Variants in ATAD3A observed in about 807,000 individuals in gnomAD.
ATAD3A encodes ATPase family AAA domain containing 3A.
ATAD3A carries 46 observed loss-of-function variants against 73.8 expected under a neutral mutation model. That is an observed-to-expected ratio of 0.62 (90% confidence interval 0.49 to 0.80). The LOEUF is 0.80. ATAD3A is among the 30% of genes least tolerant of loss of function. ATAD3A has a pLI of 0.00. For missense variants in ATAD3A, 705 were observed against 838.0 expected (o/e 0.84, Z 1.96); for synonymous variants, 319 against 350.0 (o/e 0.91, Z 0.99).
Position 1,515,945 on chromosome 1 carries a change from G to T in ATAD3A, c.206-67G>T, listed in dbSNP as rs576816859. The T allele has an allele frequency of 9.6e-4, 1,520 of 1,585,592 alleles. 2 individuals carry two copies. The highest frequency in any genetic ancestry group is 5.3e-3 in the Middle Eastern group (32 of 5,988). On this transcript the variant is annotated intron_variant, in intron 1 of 15. Transcript: ENST00000378756. ...TGGATTCCAGAAAGCCCCTTGGCTG[G>T]TGTGCGTGCCTGCCCAGCGGCATCC...
Position 1,517,430 on chromosome 1 carries a change from C to T in ATAD3A, c.384+18C>T, listed in dbSNP as rs1467247631. On this transcript the variant is annotated intron_variant, in intron 3 of 15. Transcript: ENST00000378756. Reference sequence around the variant, plus strand: ...ACCAGGCCGTAAGAGCGCAAGAGGCCGCGAGGGAGGCCGCCCGGCTGCGGG... The same window carrying T: ...ACCAGGCCGTAAGAGCGCAAGAGGCTGCGAGGGAGGCCGCCCGGCTGCGGG... 55 of 1,496,436 alleles carry T rather than the reference C, an allele frequency of 3.7e-5. No homozygotes were observed. Among genetic ancestry groups the T allele is most frequent in the Admixed American group, 8.5e-5 (4 of 47,140 alleles). 92.7% of individuals were successfully genotyped at this position (1,496,436 alleles called of 1,614,324 possible).
Position 1,534,036 on chromosome 1 carries a change from A to T in ATAD3A, c.1725A>T (p.Glu575Asp). ...HQQKMCWLKA[E>D]GPGRGDEPSP... is the part of the protein sequence containing the mutation. ...AGAAGATGTGCTGGCTGAAGGCGGA[A>T]GGGCCTGGGCGTGGGGACGAGCCCT... The change falls in exon 16 of 16, where the codon GAA becomes GAT. Residue 575 changes from glutamate to aspartate, a missense_variant. Physicochemically the swap from Glu to Asp is conservative, Grantham distance 45. Transcript: ENST00000378756. 1.2e-6 allele frequency: 2 copies of T among 1,613,268 alleles called. No individual in the cohort carries two copies. Among genetic ancestry groups the T allele is most frequent in the Non-Finnish European group, 8.5e-7 (1 of 1,179,606 alleles).
intron 1 of ATAD3A, among the ~76,000 whole-genome samples, chr1:1,513,769 G>A (rs2100640976): frequency 6.6e-6 from 1 of 151,916 alleles, no homozygotes; most frequent in East Asian, 1.9e-4. Flanking sequence ...CCCTCCCGAC[G>A]CTCCTGGCTT....
At chr1:1,526,063 C>T (rs1344208079) in intron 12 of ATAD3A, among the ~76,000 whole-genome samples, 1 of 151,324 alleles carries the variant, frequency 6.6e-6, no homozygotes, top group Admixed American at 6.6e-5. Context: ...TACTCTGTTG[C>T]CCACGCTGGA....
Position 1,520,414 on chromosome 1 carries a change from C to T in ATAD3A, c.680+108C>T. 10 of 1,592,970 alleles carry T rather than the reference C, an allele frequency of 6.3e-6. No homozygotes were observed. The highest frequency in any genetic ancestry group is 7.7e-6 in the Non-Finnish European group (9 of 1,166,338). On this transcript the variant is annotated intron_variant, in intron 6 of 15. Coordinates refer to ENST00000378756, the MANE Select transcript of ATAD3A (RefSeq NM_001170535.3). This position sits in a 1 kb window ranked among gnomAD's most constrained non-coding sequence, Gnocchi z 4.0. Reference sequence around the variant, plus strand: ...TCCAGGCCTTGCCGCCGTAGGCTGACTCCTTGGTGGGGGCACTGCCCCTCT... The same window carrying T: ...TCCAGGCCTTGCCGCCGTAGGCTGATTCCTTGGTGGGGGCACTGCCCCTCT...
chr1:1,529,962 G>A (rs555859278), intron 15 of ATAD3A, among the ~76,000 whole-genome samples: 4 of 152,234 alleles, frequency 2.6e-5, no homozygotes, highest in East Asian at 1.9e-4. Flanking sequence ...CCCTGGCCAC[G>A]CACAGGCATC....
chr1:1,515,691 TA>T (rs1641332057), intron 1 of ATAD3A, among the ~76,000 whole-genome samples: 1 of 152,050 alleles, frequency 6.6e-6, no homozygotes, highest in South Asian at 2.1e-4. Flanking sequence ...CGTGAAAAAA[TA>T]GAGGACACTT....
At chr1:1,517,094 G>A in intron 2 of ATAD3A, 1 of 1,529,708 alleles carries the variant, frequency 6.5e-7, no homozygotes, top group Non-Finnish European at 8.8e-7. Flanking sequence ...CTCCCGGGGG[G>A]CCTTCGCGGG....
chr1:1,533,826 G>A lies in ATAD3A; in HGVS notation c.1615-100G>A, dbSNP rs570579729. ...TGTGTTTCACGCTCAGGCCATCCTG[G>A]AGCCCCTGGTTTGGTCCCTCCCCAC... On this transcript the variant is annotated intron_variant, in intron 15 of 15. Transcript: ENST00000378756. The A allele has an allele frequency of 2.9e-3, 4,124 of 1,445,574 alleles. 20 individuals carry two copies. The highest frequency in any genetic ancestry group is 2.4e-3 in the Non-Finnish European group (2,650 of 1,082,332). The allele number at this position is 1,445,574 out of a possible 1,614,324, so 89.5% of individuals were successfully genotyped here. A position where few individuals can be genotyped will look rare whatever the true frequency, so the allele number is the denominator to read the frequency against.
intron 12 of ATAD3A, 91 bp downstream of exon 12, chr1:1,525,382 T>C: frequency 6.6e-7 from 1 of 1,515,618 alleles, no homozygotes. Context: ...GTTCAGTTTC[T>C]TTTTCTCTGT....
chr1:1,524,392 G>A lies in ATAD3A; in HGVS notation c.1209G>A (p.Arg403=), dbSNP rs1641726561. Reference sequence around the variant, plus strand: ...TCTTTGACTGGGCCAATACCAGCCGGCGCGGGTGAGACGTCCCCACAGCAT... The same window carrying A: ...TCTTTGACTGGGCCAATACCAGCCGACGCGGGTGAGACGTCCCCACAGCAT... The part of the protein sequence containing the change: ...HKLFDWANTS[R]RGLLLFVDEA... The change falls in exon 11 of 16, where the codon CGG becomes CGA. Residue 403 remains arginine, a synonymous_variant. Transcript: ENST00000378756. The A allele has an allele frequency of 1.9e-6, 3 of 1,604,764 alleles. No homozygotes were observed. The highest frequency in any genetic ancestry group is 1.7e-6 in the Non-Finnish European group (2 of 1,177,360).
intron 15 of ATAD3A, among the ~76,000 whole-genome samples, chr1:1,531,631 AG>A (rs1322933526): frequency 8.7e-5 from 13 of 150,152 alleles, no homozygotes; most frequent in African/African-American, 2.9e-4. Flanking sequence ...AAAAAAAATT[AG>A]CCAGATGTGG....
rs1363335208 is a variant in ATAD3A at position 1,527,807 on chromosome 1, C to T, written c.1450C>T (p.Leu484=). ...DLPGQEERER[L]VRMYFDKYVL... ...GCCAGGGCAGGAGGAACGGGAGCGC[C>T]TGGTGAGAATGTATTTTGACAAGTA... Residue 484 remains leucine, a synonymous_variant, in exon 14 of 16, where the codon CTG becomes TTG. Coordinates refer to ENST00000378756, the MANE Select transcript of ATAD3A (RefSeq NM_001170535.3). The T allele has an allele frequency of 1.2e-6, 2 of 1,613,900 alleles. No homozygotes were observed. Among genetic ancestry groups the T allele is most frequent in the Non-Finnish European group, 1.7e-6 (2 of 1,179,988 alleles).
intron 1 of ATAD3A, among the ~76,000 whole-genome samples, chr1:1,513,676 G>A (rs1376625058): frequency 1.3e-5 from 2 of 152,106 alleles, no homozygotes; most frequent in Non-Finnish European, 2.9e-5. Flanking sequence ...AGGTGAGAGA[G>A]GTTTCTCCAG....
rs965887671 is a variant in ATAD3A, at chr1:1,512,490, G to A, written c.205+17G>A. 4,497 of 1,180,874 alleles carry A rather than the reference G, an allele frequency of 3.8e-3. 29 individuals carry two copies. Among genetic ancestry groups the A allele is most frequent in the Non-Finnish European group, 4.2e-3 (4,070 of 965,824 alleles). The allele number at this position is 1,180,874 out of a possible 1,614,324, so 73.1% of individuals were successfully genotyped here. Reference sequence around the variant, plus strand: ...AGCACTCGCGTGAGTGCGGCGGGGCGGGGCGGCGCGGGCGGGCGGGCGGGA... The same window carrying A: ...AGCACTCGCGTGAGTGCGGCGGGGCAGGGCGGCGCGGGCGGGCGGGCGGGA... On this transcript the variant is annotated intron_variant, in intron 1 of 15. Coordinates refer to ENST00000378756, the MANE Select transcript of ATAD3A (RefSeq NM_001170535.3).
At chr1:1,514,091 G>A (rs1355671728) in intron 1 of ATAD3A, among the ~76,000 whole-genome samples, 8 of 152,080 alleles carry the variant, frequency 5.3e-5, no homozygotes, top group African/African-American at 1.5e-4. Flanking sequence ...TGGGACGCAC[G>A]TCCCTGGCAC....
chr1:1,531,382 C>T (rs563077814), intron 15 of ATAD3A, among the ~76,000 whole-genome samples: 9 of 151,868 alleles, frequency 5.9e-5, no homozygotes, highest in Middle Eastern at 3.4e-3. Context: ...ACCCGGGAGG[C>T]GGAGGTTGCA....
intron 7 of ATAD3A, among the ~76,000 whole-genome samples, chr1:1,521,675 C>T (rs545635422): frequency 8.5e-5 from 13 of 152,336 alleles, no homozygotes; most frequent in African/African-American, 1.7e-4. Flanking sequence ...GAGGACATGA[C>T]GGAGCTGCTT....
At chr1:1,525,540 A>G (rs1186792080) in intron 12 of ATAD3A, among the ~76,000 whole-genome samples, 2 of 148,844 alleles carry the variant, frequency 1.3e-5, no homozygotes, top group East Asian at 2.0e-4. Context: ...TCAGCCTCCC[A>G]AGTAGCTGGG....
Sources: gnomAD v4.1 joint callset for allele counts (sites outside exome capture counted in the v4.1 genomes callset) on GRCh38, gnomAD v4.1.1 for gene constraint, Gnocchi (gnomAD v3.1) non-coding constraint, MANE v1.5 for transcripts, NCBI Gene and HGNC (gene_info 2026-07-23, HGNC 2026-07-21) for gene names.